Variants in GLI1 observed in about 807,000 individuals in gnomAD.
GLI1 encodes the protein GLI family zinc finger 1.
A neutral mutation model predicts 87.8 loss-of-function variants in GLI1; 51 were observed. The observed-to-expected ratio is 0.58, with a 90% CI of 0.46 to 0.73. The LOEUF is 0.73. Among genes scored for constraint, GLI1 ranks in the 30% least tolerant of loss-of-function variants. The pLI, the probability that GLI1 is intolerant of heterozygous loss-of-function variation, is 0.00. For synonymous variants in GLI1, 528 were observed against 558.2 expected (o/e 0.95, Z 0.76); for missense variants, 1,292 against 1,437.2 (o/e 0.90, Z 1.63).
At position 57,470,983 on chromosome 12, in the gene GLI1, C is replaced by T; in HGVS notation, c.2243C>T (p.Pro748Leu). ...AAAEPYGARGPGSLPLGPGPP... is the reference protein window; with the variant it reads ...AAAEPYGARGLGSLPLGPGPP... ...GCTGAGCCTTATGGAGCGAGGGGTCCAGGCTCTCTGCCTCTTGGGCCTGGT... is the reference window on the plus strand; with the variant it reads ...GCTGAGCCTTATGGAGCGAGGGGTCTAGGCTCTCTGCCTCTTGGGCCTGGT... Residue 748 changes from proline to leucine, a missense_variant, in exon 12 of 12, where the codon CCA becomes CTA. Physicochemically the swap from Pro to Leu is moderately conservative, Grantham distance 98. Coordinates refer to ENST00000228682, the MANE Select transcript of GLI1 (RefSeq NM_005269.3). The T allele has an allele frequency of 1.9e-6, 3 of 1,612,896 alleles. No homozygotes were observed. The highest frequency in any genetic ancestry group is 4.5e-5 in the East Asian group (2 of 44,884).
intron 7 of GLI1, 98 bp from the exon 8 acceptor site, chr12:57,466,142 T>TCCACCTCAA: frequency 7.8e-7 from 1 of 1,275,640 alleles, no homozygotes; most frequent in Non-Finnish European, 1.1e-6. Flanking sequence ...CTCCTTGAGG[T>TCCACCTCAA]GGAGTCGTGG....
At position 57,471,993 on chromosome 12, in the gene GLI1, G is replaced by T; in HGVS notation, c.3253G>T (p.Val1085Leu). The change falls in exon 12 of 12, where the codon GTG (valine) becomes TTG (leucine). Residue 1085 changes from valine (V) to leucine (L), a missense_variant. Transcript: ENST00000228682. This position sits in a 1 kb window ranked among gnomAD's most constrained non-coding sequence, Gnocchi z 4.9. ...TCCCTCTGGGCCCCCCAACATGGCT[G>T]TGGGCAACATGAGTGTCTTACTGAG... ...PPPSGPPNMA[V>L]GNMSVLLRSL... is the part of the protein sequence containing the mutation. 1 of 1,574,544 alleles carries T rather than the reference G, an allele frequency of 6.4e-7. No individual in the cohort carries two copies. The highest frequency in any genetic ancestry group is 1.2e-5 in the South Asian group (1 of 85,342).
rs752986838 is a variant in GLI1 at position 57,471,449 on chromosome 12, A to G, written c.2709A>G (p.Gln903=). ...LKAQLVCNYV[Q]SQQELLWEGG... is the part of the protein sequence containing the mutation. ...CTCAGCTTGTGTGTAATTATGTTCA[A>G]TCTCAACAGGAGCTACTGTGGGAGG... Residue 903 remains glutamine (Q), a synonymous_variant, in exon 12 of 12, where the codon CAA becomes CAG. Transcript: ENST00000228682. This position sits in a 1 kb window ranked among gnomAD's most constrained non-coding sequence, Gnocchi z 4.9. The G allele has an allele frequency of 8.7e-6, 14 of 1,613,672 alleles. No homozygotes were observed. In the East Asian group the frequency reaches 2.5e-4, roughly 28 times the overall value.
Position 57,463,712 on chromosome 12 carries a change from A to G in GLI1, c.21A>G (p.Pro7=). 6.2e-7 allele frequency: 1 copy of G among 1,611,960 alleles called. No homozygotes were observed. Among genetic ancestry groups the G allele is most frequent in the Non-Finnish European group, 8.5e-7 (1 of 1,179,172 alleles). The change falls in exon 2 of 12, where the codon CCA becomes CCG. Residue 7 remains proline (P), a synonymous_variant. Transcript: ENST00000228682. The part of the protein sequence containing the change: MFNSMT[P]PPISSYGEPC... Reference sequence around the variant, plus strand: ...ACGCCATGTTCAACTCGATGACCCCACCACCAATCAGTAGCTATGGCGAGC... The same window carrying G: ...ACGCCATGTTCAACTCGATGACCCCGCCACCAATCAGTAGCTATGGCGAGC...
chr12:57,463,677 C>T lies in GLI1; in HGVS notation c.-15C>T. On this transcript the variant is annotated 5_prime_UTR_variant, in exon 2 of 12. Coordinates refer to ENST00000228682, the MANE Select transcript of GLI1 (RefSeq NM_005269.3). ...TCCCTTTCTGCAGTGTCCCCACACCCTCCTCTGAGACGCCATGTTCAACTC... is the reference window on the plus strand; with the variant it reads ...TCCCTTTCTGCAGTGTCCCCACACCTTCCTCTGAGACGCCATGTTCAACTC... The T allele has an allele frequency of 6.5e-7, 1 of 1,546,606 alleles. No homozygotes were observed.
At chr12:57,463,499 G>A (rs571947402) in intron 1 of GLI1, among the ~76,000 whole-genome samples, 166 bp from the exon 2 acceptor site, 8 of 152,340 alleles carry the variant, frequency 5.3e-5, no homozygotes, top group South Asian at 4.1e-4. Flanking sequence ...ACAGGCGTGA[G>A]CCACTGTGCC....
At chr12:57,466,777 G>GCCTGTAGTC (rs992982611) in intron 8 of GLI1, among the ~76,000 whole-genome samples, 1 of 152,006 alleles carries the variant, frequency 6.6e-6, no homozygotes, top group Non-Finnish European at 1.5e-5. Context: ...GGTGATGGGC[G>GCCTGTAGTC]CCTGTAGTCC....
Position 57,470,797 on chromosome 12 carries a change from C to A in GLI1, c.2057C>A (p.Ser686Ter). 6.2e-7 allele frequency: 1 copy of A among 1,612,538 alleles called. No homozygotes were observed. The highest frequency in any genetic ancestry group is 8.5e-7 in the Non-Finnish European group (1 of 1,179,124). ...FDPYLPTSVYSPQPPSITENA... is the reference protein window; with the variant it reads ...FDPYLPTSVY Reference sequence around the variant, plus strand: ...CCTTACCTCCCAACCTCTGTCTACTCACCACAGCCCCCCAGCATCACTGAG... The same window carrying A: ...CCTTACCTCCCAACCTCTGTCTACTAACCACAGCCCCCCAGCATCACTGAG... Residue 686 changes from serine to a stop codon, truncating the protein, a stop_gained, in exon 12 of 12, where the codon TCA becomes TAA. Coordinates refer to ENST00000228682, the MANE Select transcript of GLI1 (RefSeq NM_005269.3). LOFTEE classifies it high-confidence loss of function.
Position 57,467,424 on chromosome 12 carries a change from A to T in GLI1, c.1004A>T (p.His335Leu). 1 of 1,613,110 alleles carries T rather than the reference A, an allele frequency of 6.2e-7. No homozygotes were observed. The highest frequency in any genetic ancestry group is 8.5e-7 in the Non-Finnish European group (1 of 1,179,128). Reference protein sequence around the residue: ...HTGEKPYMCEHEGCSKAFSNA... With the variant: ...HTGEKPYMCELEGCSKAFSNA... ...GGTGAGAAGCCATACATGTGTGAGC[A>T]CGAGGGCTGCAGTAAAGCCTTCAGC... is the stretch of plus-strand genomic sequence containing the variant. The change falls in exon 9 of 12, where the codon CAC becomes CTC. Residue 335 changes from histidine (H) to leucine (L), a missense_variant. By Grantham distance (99) the His-to-Leu change is moderately conservative (BLOSUM62 -3). Coordinates refer to ENST00000228682, the MANE Select transcript of GLI1 (RefSeq NM_005269.3).
intron 1 of GLI1, among the ~76,000 whole-genome samples, chr12:57,461,187 G>C (rs2139845393): frequency 6.6e-6 from 1 of 152,352 alleles, no homozygotes; most frequent in South Asian, 2.1e-4. Flanking sequence ...GGGACTGAGG[G>C]TTTTAGGGGT....
chr12:57,463,014 C>T (rs1871243375), intron 1 of GLI1, among the ~76,000 whole-genome samples: 1 of 152,198 alleles, frequency 6.6e-6, no homozygotes, highest in Non-Finnish European at 1.5e-5. Flanking sequence ...ATTAGAGGGT[C>T]CATGTTACTA....
At chr12:57,467,309 C>A in intron 8 of GLI1, 24 bp from the exon 9 acceptor site, 1 of 1,585,696 alleles carries the variant, frequency 6.3e-7, no homozygotes, top group Non-Finnish European at 8.6e-7. Context: ...GAGAACTATC[C>A]TTTGACCCCT....
rs746704993 is a variant in GLI1, at chr12:57,471,288, C to T, written c.2548C>T (p.His850Tyr). The part of the protein sequence containing the change: ...GPPHPQPLFS[H>Y]YPQPSPPQYL... ...CCCACATCCACAGCCTCTCTTTTCC[C>T]ATTACCCCCAGCCCTCTCCTCCCCA... The change falls in exon 12 of 12, where the codon CAT (histidine) becomes TAT (tyrosine). Residue 850 changes from histidine (H) to tyrosine (Y), a missense_variant. His to Tyr is a moderately conservative substitution (Grantham distance 83). Coordinates refer to ENST00000228682, the MANE Select transcript of GLI1 (RefSeq NM_005269.3). The surrounding 1 kb of genome is among the most constrained non-coding windows in gnomAD (Gnocchi z 4.9). 3 of 1,582,376 alleles carry T rather than the reference C, an allele frequency of 1.9e-6. No homozygotes were observed. The highest frequency in any genetic ancestry group is 1.4e-5 in the African/African-American group (1 of 73,720).
Position 57,472,178 on chromosome 12 carries a change from G to A in GLI1, c.*117G>A, listed in dbSNP as rs1401931465. The A allele has an allele frequency of 2.9e-6, 2 of 685,900 alleles. No homozygotes were observed. Among genetic ancestry groups the A allele is most frequent in the Non-Finnish European group, 4.7e-6 (2 of 427,854 alleles). 42.5% of individuals were successfully genotyped at this position (685,900 alleles called of 1,614,324 possible). A position where few individuals can be genotyped will look rare whatever the true frequency, so the allele number is the denominator to read the frequency against. On this transcript the variant is annotated 3_prime_UTR_variant, in exon 12 of 12. Transcript: ENST00000228682. The stretch of plus-strand genomic sequence containing the variant: ...GATGCCCCAGGGATGGGAGGTATGG[G>A]CTGGGGGCTATGTATAGTCTGTATA...
Position 57,464,000 on chromosome 12 carries a change from A to T in GLI1, c.102A>T (p.Gly34=). The T allele has an allele frequency of 6.2e-7, 1 of 1,611,322 alleles. No individual in the cohort carries two copies. Among genetic ancestry groups the T allele is most frequent in the Non-Finnish European group, 8.5e-7 (1 of 1,177,624 alleles). ...SQGAPSVGTE[G]LSGPPFCHQA... Reference sequence around the variant, plus strand: ...ATTCCAGCTGTCTCTTTTTTCTAGGACTGTCTGGCCCGCCCTTCTGCCACC... The same window carrying T: ...ATTCCAGCTGTCTCTTTTTTCTAGGTCTGTCTGGCCCGCCCTTCTGCCACC... Residue 34 remains glycine (G), a splice_region_variant and synonymous_variant, in exon 3 of 12, where the codon GGA becomes GGT. Coordinates refer to ENST00000228682, the MANE Select transcript of GLI1 (RefSeq NM_005269.3).
intron 1 of GLI1, among the ~76,000 whole-genome samples, chr12:57,462,641 G>A (rs1871219960): frequency 6.6e-6 from 1 of 152,160 alleles, no homozygotes; most frequent in Non-Finnish European, 1.5e-5. Context: ...CCAAAACAGA[G>A]ACCAAAAAGA....
rs1220706391 is a variant in GLI1, at chr12:57,460,078, G to T, written c.-151G>T. 4 of 150,454 alleles carry T rather than the reference G, an allele frequency of 2.7e-5. No homozygotes were observed. Among genetic ancestry groups the T allele is most frequent in the African/African-American group, 9.7e-5 (4 of 41,028 alleles). The allele number at this position is 150,454 out of a possible 1,614,324, so 9.3% of individuals were successfully genotyped here. A position where few individuals can be genotyped will look rare whatever the true frequency, so the allele number is the denominator to read the frequency against. On this transcript the variant is annotated 5_prime_UTR_variant, in exon 1 of 12. Coordinates refer to ENST00000228682, the MANE Select transcript of GLI1 (RefSeq NM_005269.3). The stretch of plus-strand genomic sequence containing the variant: ...GCGGGAGGGCTGGGGGCCAGGTTGG[G>T]GGGGTGGGGGTGGCATCGAGGCTGC...
rs758959112 is a variant in GLI1, at chr12:57,470,508, C to T, written c.1768C>T (p.Arg590Trp). 23 of 1,614,000 alleles carry T rather than the reference C, an allele frequency of 1.4e-5. No homozygotes were observed. Among genetic ancestry groups the T allele is most frequent in the South Asian group, 5.5e-5 (5 of 91,074 alleles). The change falls in exon 12 of 12, where the codon CGG (arginine) becomes TGG (tryptophan). Residue 590 changes from arginine to tryptophan, a missense_variant. Coordinates refer to ENST00000228682, the MANE Select transcript of GLI1 (RefSeq NM_005269.3). The part of the protein sequence containing the change: ...GLMPAQHYLL[R>W]ARYASARGGG... The stretch of plus-strand genomic sequence containing the variant: ...TATGCCTGCCCAGCACTACCTGCTT[C>T]GGGCAAGATATGCTTCAGCCAGAGG...
Position 57,463,667 on chromosome 12 carries a change from T to A in GLI1, c.-25T>A. 1 of 1,428,184 alleles carries A rather than the reference T, an allele frequency of 7.0e-7. No individual in the cohort carries two copies. The highest frequency in any genetic ancestry group is 9.9e-7 in the Non-Finnish European group (1 of 1,012,448). 88.5% of individuals were successfully genotyped at this position (1,428,184 alleles called of 1,614,324 possible). A position where few individuals can be genotyped will look rare whatever the true frequency, so the allele number is the denominator to read the frequency against. On this transcript the variant is annotated splice_region_variant and 5_prime_UTR_variant, in exon 2 of 12. Coordinates refer to ENST00000228682, the MANE Select transcript of GLI1 (RefSeq NM_005269.3). Reference sequence around the variant, plus strand: ...ATACCTACCTTCCCTTTCTGCAGTGTCCCCACACCCTCCTCTGAGACGCCA... The same window carrying A: ...ATACCTACCTTCCCTTTCTGCAGTGACCCCACACCCTCCTCTGAGACGCCA...
Sources: gnomAD v4.1 joint callset for allele counts (sites outside exome capture counted in the v4.1 genomes callset) on GRCh38, gnomAD v4.1.1 for gene constraint, Gnocchi (gnomAD v3.1) non-coding constraint, MANE v1.5 for transcripts, NCBI Gene and HGNC (gene_info 2026-07-23, HGNC 2026-07-21) for gene names.